CCDC91: variants seen among roughly 807,000 people sequenced by gnomAD.
CCDC91 encodes the protein coiled-coil domain containing 91, also known as coiled-coil domain-containing protein 91.
In CCDC91, 48 loss-of-function variants were observed where a neutral mutation model predicts 63.2. The observed-to-expected ratio is 0.76, with a 90% CI of 0.60 to 0.97. CCDC91 has a LOEUF of 0.97. Among genes scored for constraint, CCDC91 ranks in the 50% least tolerant of loss-of-function variants. The probability of loss-of-function intolerance (pLI) is 0.00; values close to 1 mark genes in which losing one functional copy is unlikely to be tolerated. For synonymous variants in CCDC91, 167 were observed against 165.8 expected, an observed-to-expected ratio of 1.01 and a Z score of -0.06; for missense variants, 500 against 494.6, an observed-to-expected ratio of 1.01 and a Z score of -0.10.
chr12:28,205,291 G>T (rs535635165), intron 1 of CCDC91, among the ~76,000 whole-genome samples: 2 of 151,904 alleles, frequency 1.3e-5, no homozygotes, highest in South Asian at 4.2e-4. Flanking sequence ...GTGGATTAAA[G>T]TCTATATGAA....
At chr12:28,484,227 C>T in intron 12 of CCDC91, 62 bp downstream of exon 12, 1 of 811,542 alleles carries the variant, frequency 1.2e-6, no homozygotes, top group South Asian at 1.9e-5. Context: ...GACTTCCATA[C>T]AATAACATGA....
chr12:28,200,074 T>C (rs1356044160), intron 1 of CCDC91, among the ~76,000 whole-genome samples: 1 of 152,108 alleles, frequency 6.6e-6, no homozygotes. Context: ...TCATTATGCA[T>C]ATGTTGGTAT....
chr12:28,211,050 T>G (rs961150930), intron 1 of CCDC91, among the ~76,000 whole-genome samples: 1 of 150,030 alleles, frequency 6.7e-6, no homozygotes, highest in Non-Finnish European at 1.5e-5. Flanking sequence ...TATTTTGTCC[T>G]AAGGTACCCC....
intron 3 of CCDC91, among the ~76,000 whole-genome samples, chr12:28,280,671 A>G (rs1257425795): frequency 6.6e-6 from 1 of 152,108 alleles, no homozygotes; most frequent in Non-Finnish European, 1.5e-5. Context: ...GTGAGTTACT[A>G]AACCTTTTAT....
chr12:28,429,430 A>AT (rs1387961687), intron 8 of CCDC91, among the ~76,000 whole-genome samples: 7 of 152,230 alleles, frequency 4.6e-5, no homozygotes, highest in Middle Eastern at 3.4e-3. Context: ...ACTAGAAAGG[A>AT]TTTTTTTAAT....
At chr12:28,447,449 T>C (rs1949557885) in intron 8 of CCDC91, among the ~76,000 whole-genome samples, 1 of 151,900 alleles carries the variant, frequency 6.6e-6, no homozygotes, top group African/African-American at 2.4e-5. Context: ...ATAATGAGCA[T>C]ATATCAGTCT....
chr12:28,196,177 G>A (rs1008190331), intron 1 of CCDC91, among the ~76,000 whole-genome samples: 7 of 152,122 alleles, frequency 4.6e-5, no homozygotes, highest in East Asian at 1.9e-4. Flanking sequence ...TAAGCTTTCC[G>A]CATAAAAATG....
chr12:28,253,505 A>G (rs1213840142), intron 1 of CCDC91, among the ~76,000 whole-genome samples: 2 of 152,138 alleles, frequency 1.3e-5, no homozygotes, highest in Non-Finnish European at 2.9e-5. Flanking sequence ...GCATATACCT[A>G]TGACTCTTAA....
At chr12:28,353,405 A>G (rs1943312511) in intron 6 of CCDC91, among the ~76,000 whole-genome samples, 1 of 152,172 alleles carries the variant, frequency 6.6e-6, no homozygotes, top group African/African-American at 2.4e-5. Flanking sequence ...ATTCATTCCC[A>G]TCTTGGCTGT....
At chr12:28,413,103 C>A (rs1334342108) in intron 8 of CCDC91, among the ~76,000 whole-genome samples, 1 of 152,108 alleles carries the variant, frequency 6.6e-6, no homozygotes, top group East Asian at 1.9e-4. Flanking sequence ...TTTCTCATTT[C>A]TCCAAAAATC....
chr12:28,412,349 C>A (rs924283946), intron 8 of CCDC91, among the ~76,000 whole-genome samples: 1 of 152,128 alleles, frequency 6.6e-6, no homozygotes, highest in Non-Finnish European at 1.5e-5. Flanking sequence ...GATCATGCTA[C>A]CCCAAAATAT....
At chr12:28,543,112 G>A (rs1169662530) in intron 12 of CCDC91, among the ~76,000 whole-genome samples, 1 of 151,898 alleles carries the variant, frequency 6.6e-6, no homozygotes, top group Admixed American at 6.6e-5. Flanking sequence ...CTTCTCCTTT[G>A]TATCTGTGTC....
intron 11 of CCDC91, among the ~76,000 whole-genome samples, chr12:28,458,662 G>A (rs1448425017): frequency 1.3e-5 from 2 of 151,404 alleles, no homozygotes; most frequent in African/African-American, 4.9e-5. Context: ...TAGAGATGGG[G>A]TTTCACCATA....
intron 12 of CCDC91, among the ~76,000 whole-genome samples, chr12:28,520,585 A>G (rs1940518451): frequency 6.6e-6 from 1 of 152,002 alleles, no homozygotes; most frequent in South Asian, 2.1e-4. Flanking sequence ...ATTAGATCCC[A>G]TTTGTCAATT....
At chr12:28,234,179 A>C (rs1168311859) in intron 1 of CCDC91, among the ~76,000 whole-genome samples, 1 of 152,172 alleles carries the variant, frequency 6.6e-6, no homozygotes, top group Admixed American at 6.5e-5. Context: ...TAGTCATGAA[A>C]ATGATATGTA....
intron 1 of CCDC91, among the ~76,000 whole-genome samples, chr12:28,211,671 A>G (rs1489101984): frequency 6.6e-6 from 1 of 152,128 alleles, no homozygotes; most frequent in Non-Finnish European, 1.5e-5. Context: ...TGTAAGCTGG[A>G]AGGAACTCAG....
chr12:28,285,474 T>C (rs6487673), intron 3 of CCDC91, among the ~76,000 whole-genome samples: 138,947 of 151,868 alleles, frequency 0.91, 64,728 homozygotes, highest in East Asian at 1. Flanking sequence ...TCTCCCTACA[T>C]GCAGAACAAA....
chr12:28,306,479 G>GTT (rs1382156232), intron 4 of CCDC91, among the ~76,000 whole-genome samples: 1 of 152,010 alleles, frequency 6.6e-6, no homozygotes, highest in African/African-American at 2.4e-5. Context: ...ACAGGAAAAA[G>GTT]TTAAGTCTTT....
At position 28,452,661 on chromosome 12, in the gene CCDC91, A is replaced by C. The variant is rs1253116485; in HGVS notation, c.1101+7A>C. Reference sequence around the variant, plus strand: ...ACAAAGAAAAATAAGTCAGGTTAGTAATATTAACTGTTAGTAAATATTTAC... The same window carrying C: ...ACAAAGAAAAATAAGTCAGGTTAGTCATATTAACTGTTAGTAAATATTTAC... On this transcript the variant is annotated splice_region_variant and intron_variant, in intron 11 of 12. Coordinates refer to ENST00000536442, the MANE Select transcript of CCDC91 (RefSeq NM_018318.5). 7.1e-7 allele frequency: 1 copy of C among 1,402,188 alleles called. No individual in the cohort carries two copies. Among genetic ancestry groups the C allele is most frequent in the Admixed American group, 2.3e-5 (1 of 43,104 alleles). The allele number at this position is 1,402,188 out of a possible 1,614,324, so 86.9% of individuals were successfully genotyped here.
Sources: gnomAD v4.1 joint callset for allele counts (sites outside exome capture counted in the v4.1 genomes callset) on GRCh38, gnomAD v4.1.1 for gene constraint, MANE v1.5 for transcripts, NCBI Gene and HGNC (gene_info 2026-07-23, HGNC 2026-07-21) for gene names.